MTSS2: variants seen among roughly 807,000 people sequenced by gnomAD.
MTSS2 encodes MTSS I-BAR domain containing 2, also known as protein MTSS 2.
Under a neutral mutation model 67.1 loss-of-function variants are expected in MTSS2, and 27 were observed. The observed-to-expected ratio is 0.40, with a 90% confidence interval of 0.30 to 0.55. The LOEUF (loss-of-function observed/expected upper bound fraction) is 0.55, where lower values mean the gene tolerates loss of function less well. Ranked by LOEUF, MTSS2 falls within the 20% of genes least tolerant of loss-of-function variation. The pLI, the probability that MTSS2 is intolerant of heterozygous loss-of-function variation, is 0.43. For missense variants in MTSS2, 1,171 were observed against 1,067.8 expected, an observed-to-expected ratio of 1.10 and a Z score of -1.35; for synonymous variants, 624 against 468.6, an observed-to-expected ratio of 1.33 and a Z score of -4.28.
chr16:70,672,635 A>G (rs1360872146), intron 11 of MTSS2, among the ~76,000 whole-genome samples: 1 of 148,416 alleles, frequency 6.7e-6, no homozygotes, highest in Non-Finnish European at 1.5e-5. Flanking sequence ...ATAAAAAGTT[A>G]AAAAAAAAAC....
Position 70,679,951 on chromosome 16 carries a change from C to G in MTSS2, c.290+20G>C. 6.8e-7 allele frequency: 1 copy of G among 1,477,916 alleles called. No homozygotes were observed. Among genetic ancestry groups the G allele is most frequent in the Non-Finnish European group, 8.9e-7 (1 of 1,119,532 alleles). The allele number at this position is 1,477,916 out of a possible 1,614,324, so 91.6% of individuals were successfully genotyped here. On this transcript the variant is annotated intron_variant, in intron 4 of 14. Coordinates refer to ENST00000338779, the MANE Select transcript of MTSS2 (RefSeq NM_138383.3). ...CGCCCCGTCCCCCCGCCCCCCTGCCCGCCCGCAGCGCCCACTCACTTGGTG... is the reference window on the plus strand; with the variant it reads ...CGCCCCGTCCCCCCGCCCCCCTGCCGGCCCGCAGCGCCCACTCACTTGGTG...
intron 1 of MTSS2, among the ~76,000 whole-genome samples, chr16:70,682,524 T>TGG (rs1206595767): frequency 6.6e-6 from 1 of 151,926 alleles, no homozygotes; most frequent in Non-Finnish European, 1.5e-5. Context: ...TGAGCAGCCC[T>TGG]GGGGCAGTCT....
At chr16:70,677,277 T>C (rs1254639118) in intron 9 of MTSS2, among the ~76,000 whole-genome samples, 1 of 152,196 alleles carries the variant, frequency 6.6e-6, no homozygotes, top group Non-Finnish European at 1.5e-5. Flanking sequence ...TGAGTTTGTT[T>C]ACTCCTGTTC....
chr16:70,666,021 G>A (rs945187603), intron 11 of MTSS2, among the ~76,000 whole-genome samples: 13 of 152,218 alleles, frequency 8.5e-5, no homozygotes, highest in African/African-American at 3.1e-4. Context: ...CATAAGCTGA[G>A]TGCAGGGAGA....
intron 11 of MTSS2, among the ~76,000 whole-genome samples, chr16:70,673,793 A>G (rs1382796255): frequency 6.6e-6 from 1 of 152,134 alleles, no homozygotes; most frequent in Non-Finnish European, 1.5e-5. Context: ...AAAAATATAT[A>G]TTAAGGGCCT....
chr16:70,669,808 CTCTG>C (rs2052860214), intron 11 of MTSS2, among the ~76,000 whole-genome samples: 1 of 121,952 alleles, frequency 8.2e-6, no homozygotes, highest in Admixed American at 8.2e-5. Flanking sequence ...CAGAGTGAGA[CTCTG>C]TCTCATAAAA....
intron 5 of MTSS2, 34 bp downstream of exon 5, chr16:70,679,752 G>T (rs770202740): frequency 1.2e-6 from 2 of 1,610,174 alleles, no homozygotes; most frequent in South Asian, 1.1e-5. Context: ...CTGCGGAGTG[G>T]GGGGTGGGAA....
intron 9 of MTSS2, among the ~76,000 whole-genome samples, chr16:70,677,242 G>T (rs746701811): frequency 1.3e-5 from 2 of 152,174 alleles, no homozygotes; most frequent in Non-Finnish European, 2.9e-5. Flanking sequence ...GACACCATGG[G>T]GTGCAGGTTG....
In MTSS2 at chr16:70,663,555, G is replaced by T; in HGVS notation, c.*122C>A. On this transcript the variant is annotated 3_prime_UTR_variant, in exon 15 of 15. Coordinates refer to ENST00000338779, the MANE Select transcript of MTSS2 (RefSeq NM_138383.3). ...AAGTGAGGTGTCTTTCCATAAAGTG[G>T]CATGGCCTCTGCCCTGGCTCTGTCC... is the stretch of plus-strand genomic sequence containing the variant. 7.1e-7 allele frequency: 1 copy of T among 1,416,706 alleles called. No individual in the cohort carries two copies. Among genetic ancestry groups the T allele is most frequent in the Non-Finnish European group, 9.2e-7 (1 of 1,082,246 alleles). The allele number at this position is 1,416,706 out of a possible 1,614,324, so 87.8% of individuals were successfully genotyped here. A position where few individuals can be genotyped will look rare whatever the true frequency, so the allele number is the denominator to read the frequency against.
chr16:70,664,198 G>A lies in MTSS2; in HGVS notation c.1723C>T (p.Arg575Cys), dbSNP rs757903025. The change falls in exon 15 of 15, where the codon CGC (arginine) becomes TGC (cysteine). Residue 575 changes from arginine to cysteine, a missense_variant. By Grantham distance (180) the Arg-to-Cys change is radical. Around this residue, in one of 2 missense-constraint regions of MTSS2, gnomAD observed 924 missense variants for 756.0 expected, o/e 1.22. Coordinates refer to ENST00000338779, the MANE Select transcript of MTSS2 (RefSeq NM_138383.3). ...GGGCCAGCGCTGGACAGGGCGCGGC[G>A]CACGGTGGGCTTGGTGGAGGGTGTG... Reference protein sequence around the residue: ...RRTPSTKPTVRRALSSAGPIP... With the variant: ...RRTPSTKPTVCRALSSAGPIP... 5.6e-6 allele frequency: 9 copies of A among 1,594,784 alleles called. No homozygotes were observed. Among genetic ancestry groups the A allele is most frequent in the Admixed American group, 1.7e-5 (1 of 59,330 alleles).
intron 11 of MTSS2, among the ~76,000 whole-genome samples, chr16:70,666,518 G>A (rs769068049): frequency 1.1e-4 from 17 of 152,216 alleles, no homozygotes; most frequent in African/African-American, 3.1e-4. Flanking sequence ...CGTGGATCAC[G>A]GTGAGGTGTT....
intron 7 of MTSS2, 60 bp downstream of exon 7, chr16:70,679,255 G>A (rs922659051): frequency 1.2e-6 from 2 of 1,601,336 alleles, no homozygotes; most frequent in African/African-American, 1.3e-5. Context: ...TGAGCTGGGG[G>A]AGACAGACAA....
intron 11 of MTSS2, among the ~76,000 whole-genome samples, chr16:70,666,350 C>A (rs1420309884): frequency 6.6e-6 from 1 of 152,172 alleles, no homozygotes; most frequent in Non-Finnish European, 1.5e-5. Context: ...CTGCTCTGGG[C>A]AGTGGGCTGG....
At chr16:70,684,605 G>A (rs1056260890) in intron 1 of MTSS2, among the ~76,000 whole-genome samples, 1 of 152,176 alleles carries the variant, frequency 6.6e-6, no homozygotes, top group African/African-American at 2.4e-5. Context: ...ATTCTGTGTT[G>A]TGCACTTGGA....
chr16:70,685,638 A>C (rs2053431333), intron 1 of MTSS2, 85 bp downstream of exon 1: 1 of 819,914 alleles, frequency 1.2e-6, no homozygotes, highest in Non-Finnish European at 1.5e-6. Flanking sequence ...GCGCGGCCAC[A>C]CGAGGCTCGG....
chr16:70,678,101 T>C (rs1254664798), intron 8 of MTSS2, 151 bp downstream of exon 8: 1 of 1,108,746 alleles, frequency 9.0e-7, no homozygotes, highest in Non-Finnish European at 1.3e-6. Flanking sequence ...AATCAGTGCA[T>C]GGTGAGCTAT....
At chr16:70,675,763 C>T (rs1231728235) in intron 10 of MTSS2, among the ~76,000 whole-genome samples, 1 of 152,220 alleles carries the variant, frequency 6.6e-6, no homozygotes, top group Non-Finnish European at 1.5e-5. Flanking sequence ...TATTTGCCAT[C>T]CAGTCCTAAC....
rs1157457792 is a variant in MTSS2 at position 70,664,946 on chromosome 16, T to G, written c.1279A>C (p.Met427Leu). 1.3e-6 allele frequency: 2 copies of G among 1,560,326 alleles called. No individual in the cohort carries two copies. Among genetic ancestry groups the G allele is most frequent in the South Asian group, 1.2e-5 (1 of 85,730 alleles). Residue 427 changes from methionine to leucine, a missense_variant, in exon 13 of 15, where the codon ATG (methionine) becomes CTG (leucine). Transcript: ENST00000338779. Reference protein sequence around the residue: ...PSGEEAPRPRMSPATIAAKHG... With the variant: ...PSGEEAPRPRLSPATIAAKHG... Reference sequence around the variant, plus strand: ...TTGGCTGCGATGGTGGCAGGGGACATCCGGGGTCGCGGTGCCTCTTCCCCG... The same window carrying G: ...TTGGCTGCGATGGTGGCAGGGGACAGCCGGGGTCGCGGTGCCTCTTCCCCG...
chr16:70,676,181 C>A (rs1226161317), intron 10 of MTSS2, among the ~76,000 whole-genome samples: 2 of 152,254 alleles, frequency 1.3e-5, no homozygotes, highest in African/African-American at 4.8e-5. Flanking sequence ...CTGTCCTCCC[C>A]ACCCAAGGAA....
Sources: gnomAD v4.1 joint callset for allele counts (sites outside exome capture counted in the v4.1 genomes callset) on GRCh38, gnomAD v4.1.1 for gene constraint, gnomAD v4.1.1 regional missense constraint, MANE v1.5 for transcripts, NCBI Gene and HGNC (gene_info 2026-07-23, HGNC 2026-07-21) for gene names.